IMMP2L: variants seen among roughly 807,000 people sequenced by gnomAD.
IMMP2L encodes the protein inner mitochondrial membrane peptidase subunit 2, also known as mitochondrial inner membrane protease subunit 2.
In IMMP2L, 18 loss-of-function variants were observed where a neutral mutation model predicts 19.3. That is an observed-to-expected ratio of 0.93 (90% CI 0.64 to 1.38). The LOEUF (loss-of-function observed/expected upper bound fraction) is 1.38. Ranked by LOEUF, IMMP2L falls within the 40% of genes most tolerant of loss-of-function variation. The pLI is 0.00. For missense variants in IMMP2L, 233 were observed against 218.2 expected (o/e 1.07, Z -0.43); for synonymous variants, 76 against 73.0 (o/e 1.04, Z -0.21).
At chr7:110,852,093 T>C (rs76322896) in intron 5 of IMMP2L, among the ~76,000 whole-genome samples, 1,826 of 152,120 alleles carry the variant, frequency 0.012, 48 homozygotes, top group African/African-American at 0.042. Context: ...AATACAGCCA[T>C]CATTTGGTGA....
At chr7:111,078,744 T>C (rs1400289950) in intron 3 of IMMP2L, among the ~76,000 whole-genome samples, 1 of 152,070 alleles carries the variant, frequency 6.6e-6, no homozygotes, top group Non-Finnish European at 1.5e-5. Context: ...TTTATTTATT[T>C]ATTTAAGATG....
chr7:111,480,356 A>G (rs1389432160), intron 3 of IMMP2L, among the ~76,000 whole-genome samples: 1 of 152,060 alleles, frequency 6.6e-6, no homozygotes, highest in Admixed American at 6.6e-5. Context: ...CTGAGATTAC[A>G]GGCGTGAGCC....
chr7:110,936,996 T>C (rs1316161242), intron 4 of IMMP2L, among the ~76,000 whole-genome samples: 2 of 151,946 alleles, frequency 1.3e-5, no homozygotes, highest in Non-Finnish European at 2.9e-5. Flanking sequence ...AAGTGGGAGT[T>C]GAACAATGAG....
At chr7:110,939,434 T>C (rs1046550002) in intron 4 of IMMP2L, among the ~76,000 whole-genome samples, 10 of 142,314 alleles carry the variant, frequency 7.0e-5, no homozygotes, top group African/African-American at 2.6e-4. Flanking sequence ...GTAAAGCGAG[T>C]ACACAGGGAA....
chr7:111,420,613 G>A (rs986181825), intron 3 of IMMP2L, among the ~76,000 whole-genome samples: 1 of 140,118 alleles, frequency 7.1e-6, no homozygotes, highest in African/African-American at 2.7e-5. Flanking sequence ...GTGTCCAGGC[G>A]ATCTCATTGT....
intron 3 of IMMP2L, among the ~76,000 whole-genome samples, chr7:111,471,737 G>C (rs1273325210): frequency 6.6e-6 from 1 of 151,962 alleles, no homozygotes; most frequent in Non-Finnish European, 1.5e-5. Flanking sequence ...GAACGTCCCT[G>C]AACATTCAAA....
chr7:110,773,131 C>T (rs1423322457), intron 5 of IMMP2L, among the ~76,000 whole-genome samples: 1 of 151,998 alleles, frequency 6.6e-6, no homozygotes, highest in African/African-American at 2.4e-5. Context: ...CAACGTTTCA[C>T]AAGACACTGT....
chr7:110,704,007 G>A (rs758034792), intron 5 of IMMP2L, among the ~76,000 whole-genome samples: 3 of 151,774 alleles, frequency 2.0e-5, no homozygotes, highest in African/African-American at 4.8e-5. Context: ...CACCACACCC[G>A]GCTAATTTTT....
chr7:111,036,396 T>C (rs1178602476), intron 3 of IMMP2L, among the ~76,000 whole-genome samples: 1 of 152,200 alleles, frequency 6.6e-6, no homozygotes, highest in Admixed American at 6.5e-5. Context: ...GTGTTCGCAT[T>C]TGAGGATTAT....
At position 111,224,095 on chromosome 7, in the gene IMMP2L, A is replaced by C. The variant is rs1194650759; in HGVS notation, c.240-260530T>G. 2.6e-5 allele frequency among the ~76,000 whole-genome samples: 4 copies of C among 152,066 alleles called. No individual in the cohort carries two copies. In the East Asian group the frequency reaches 7.7e-4, roughly 29 times the overall value. On this transcript the variant is annotated intron_variant, in intron 3 of 5. Transcript: ENST00000405709. ...TGTGGCCTTAGACCTTAGGCAACCC[A>C]CTTCCCCCTCTCTCAACCTGGGTTT...
intron 3 of IMMP2L, among the ~76,000 whole-genome samples, chr7:111,455,544 C>A (rs537579063): frequency 4.0e-5 from 6 of 151,284 alleles, no homozygotes; most frequent in African/African-American, 1.2e-4. Context: ...TATTTTGAAT[C>A]CAAATATGAA....
intron 4 of IMMP2L, among the ~76,000 whole-genome samples, chr7:110,948,174 G>C (rs1175106544): frequency 6.6e-6 from 1 of 152,046 alleles, no homozygotes; most frequent in Non-Finnish European, 1.5e-5. Context: ...GAAAACTAGA[G>C]ATACTTTTTT....
rs1383731326 is a variant in IMMP2L at position 111,403,001 on chromosome 7, CCCA to C, written c.239+84234_239+84236del. 5.9e-4 allele frequency among the ~76,000 whole-genome samples: 63 copies of C among 106,362 alleles called. 1 individual carries two copies. Among genetic ancestry groups the C allele is most frequent in the African/African-American group, 2.5e-3 (62 of 25,254 alleles). 69.8% of individuals were successfully genotyped at this position (106,362 alleles called of 152,430 possible). A position where few individuals can be genotyped will look rare whatever the true frequency, so the allele number is the denominator to read the frequency against. On this transcript the variant is annotated intron_variant, in intron 3 of 5. Transcript: ENST00000405709. ...CTCACTGCAGCCTTGACCCCCCCCC[CCCA>C]CCCCGCCAGGCTCAGGTGATCCTCC...
intron 3 of IMMP2L, among the ~76,000 whole-genome samples, chr7:111,058,681 G>C (rs1329123245): frequency 6.6e-6 from 1 of 152,088 alleles, no homozygotes; most frequent in Non-Finnish European, 1.5e-5. Context: ...AATTATATCA[G>C]CATATAGAAA....
intron 5 of IMMP2L, among the ~76,000 whole-genome samples, chr7:110,843,664 G>A (rs1429024558): frequency 6.6e-6 from 1 of 152,060 alleles, no homozygotes; most frequent in Non-Finnish European, 1.5e-5. Context: ...ACAGATAAAT[G>A]TAAATTACAC....
At chr7:110,824,766 T>C (rs1386538420) in intron 5 of IMMP2L, among the ~76,000 whole-genome samples, 1 of 152,118 alleles carries the variant, frequency 6.6e-6, no homozygotes, top group Non-Finnish European at 1.5e-5. Context: ...AATACCACAG[T>C]ACTTTTCTCA....
intron 1 of IMMP2L, among the ~76,000 whole-genome samples, chr7:111,542,564 T>C (rs1280864639): frequency 6.6e-6 from 1 of 152,102 alleles, no homozygotes; most frequent in East Asian, 1.9e-4. Context: ...CTACACTGCC[T>C]CCAGTTATTC....
rs566860546 is a variant in IMMP2L, at chr7:110,805,693, C to T, written c.408+80900G>A. Among the ~76,000 whole-genome samples, 23 of 151,990 alleles carry T rather than the reference C, an allele frequency of 1.5e-4. No homozygotes were observed. The East Asian group carries it at 4.5e-3, about 30-fold the overall frequency. ...CCTATTAAGAAAAATGTAATAGAAT[C>T]ATAAAATTGTATTATATCACAGCCA... On this transcript the variant is annotated intron_variant, in intron 5 of 5. Transcript: ENST00000405709.
At chr7:110,742,184 T>G (rs1402562177) in intron 5 of IMMP2L, among the ~76,000 whole-genome samples, 2 of 152,188 alleles carry the variant, frequency 1.3e-5, no homozygotes, top group Non-Finnish European at 2.9e-5. Context: ...ATGAAGACTT[T>G]GAGGTTATTT....
Sources: gnomAD v4.1 joint callset for allele counts (sites outside exome capture counted in the v4.1 genomes callset) on GRCh38, gnomAD v4.1.1 for gene constraint, MANE v1.5 for transcripts, NCBI Gene and HGNC (gene_info 2026-07-23, HGNC 2026-07-21) for gene names.